POTEF: variants seen among roughly 807,000 people sequenced by gnomAD.
The protein encoded by POTEF is POTE ankyrin domain family member F.
In POTEF, 20 loss-of-function variants were observed where a neutral mutation model predicts 83.2. The observed-to-expected ratio is 0.24, with a 90% CI of 0.17 to 0.35. The LOEUF is 0.35. Among genes scored for constraint, POTEF ranks in the 10% least tolerant of loss-of-function variants. The probability of loss-of-function intolerance (pLI) is 1.00; values close to 1 mark genes in which losing one functional copy is unlikely to be tolerated. For synonymous variants in POTEF, 196 were observed against 446.4 expected, an observed-to-expected ratio of 0.44 and a Z score of 7.07; for missense variants, 550 against 1,203.2, an observed-to-expected ratio of 0.46 and a Z score of 8.03.
Position 130,111,653 on chromosome 2 carries a change from TAGAA to T in POTEF, c.917+338_917+341del, listed in dbSNP as rs571893453. Among the ~76,000 whole-genome samples the T allele has an allele frequency of 2.8e-4, 43 of 151,182 alleles. 2 individuals are homozygous for T. The highest frequency in any genetic ancestry group is 9.1e-4 in the African/African-American group (37 of 40,662). ...ATGTAAGACACAGGTTAAAAACTAT[TAGAA>T]AGGGTTAAGAAGTTCAATACTGAGT... On this transcript the variant is annotated intron_variant, in intron 6 of 16. Coordinates refer to ENST00000409914, the MANE Select transcript of POTEF (RefSeq NM_001099771.2).
At chr2:130,127,043 C>T (rs546871887) in intron 2 of POTEF, among the ~76,000 whole-genome samples, 17 of 151,856 alleles carry the variant, frequency 1.1e-4, no homozygotes, top group East Asian at 3.8e-4. Context: ...AAAAAATGGC[C>T]GGGAGTGGTG....
intron 7 of POTEF, chr2:130,109,582 A>C (rs2104813793): frequency 6.6e-6 from 1 of 151,560 alleles, no homozygotes; most frequent in South Asian, 2.1e-4. Flanking sequence ...CCAAGGTTCT[A>C]TACAGGATAT....
At chr2:130,126,916 C>G (rs1378572759) in intron 2 of POTEF, among the ~76,000 whole-genome samples, 1 of 151,902 alleles carries the variant, frequency 6.6e-6, no homozygotes, top group Non-Finnish European at 1.5e-5. Flanking sequence ...AATACACAGA[C>G]TAGAATAAGC....
At chr2:130,078,998 G>A (rs1438798662) in intron 15 of POTEF, among the ~76,000 whole-genome samples, 3 of 93,064 alleles carry the variant, frequency 3.2e-5, no homozygotes, top group East Asian at 5.9e-4. Context: ...CCTAGGCAAA[G>A]GATTTATGAG....
intron 16 of POTEF, among the ~76,000 whole-genome samples, chr2:130,075,964 G>A (rs1275504461): frequency 1.4e-5 from 2 of 145,328 alleles, no homozygotes; most frequent in African/African-American, 5.1e-5. Flanking sequence ...TTAAGATTAG[G>A]TTTACACTCT....
chr2:130,110,750 A>G, intron 6 of POTEF, 70 bp from the exon 7 acceptor site: 3 of 727,272 alleles, frequency 4.1e-6, no homozygotes, highest in Non-Finnish European at 5.8e-6. Context: ...TTACCAATGT[A>G]ACATCTTGCC....
At chr2:130,126,304 A>T (rs1269607293) in intron 2 of POTEF, among the ~76,000 whole-genome samples, 2 of 6,304 alleles carry the variant, frequency 3.2e-4, no homozygotes, top group Non-Finnish European at 8.0e-4. Flanking sequence ...ACTCCATCTC[A>T]AAAAAAAAAA....
chr2:130,083,453 G>A (rs1307301754), intron 15 of POTEF, among the ~76,000 whole-genome samples: 1 of 146,646 alleles, frequency 6.8e-6, no homozygotes, highest in Non-Finnish European at 1.5e-5. Context: ...GGACTAGAAA[G>A]GCAGGAGGAA....
intron 2 of POTEF, 96 bp from the exon 3 acceptor site, chr2:130,120,704 C>A: frequency 2.0e-6 from 2 of 982,550 alleles, no homozygotes; most frequent in Non-Finnish European, 3.0e-6. Context: ...CCCACACCCA[C>A]CCGAGGAAAG....
intron 2 of POTEF, among the ~76,000 whole-genome samples, chr2:130,122,923 T>C (rs1685028224): frequency 6.6e-6 from 1 of 150,712 alleles, no homozygotes; most frequent in Admixed American, 6.6e-5. Flanking sequence ...ATGGGTTTTT[T>C]GTGGAGTCTA....
rs1413344978 is a variant in POTEF, at chr2:130,115,202, G to C, written c.636+12C>G. On this transcript the variant is annotated intron_variant, in intron 4 of 16. Coordinates refer to ENST00000409914, the MANE Select transcript of POTEF (RefSeq NM_001099771.2). ...AACCCACCTCATGCTGATATAGTTG[G>C]CTACTGCATACCTTTATCAGAGCTG... is the stretch of plus-strand genomic sequence containing the variant. The C allele has an allele frequency of 1.4e-5, 23 of 1,612,194 alleles. No individual in the cohort carries two copies. Among genetic ancestry groups the C allele is most frequent in the Non-Finnish European group, 1.9e-5 (22 of 1,179,894 alleles).
chr2:130,109,787 C>G (rs986605751), intron 7 of POTEF: 1 of 151,580 alleles, frequency 6.6e-6, no homozygotes, highest in Non-Finnish European at 1.5e-5. Context: ...GTGGGTTCCA[C>G]ATTAGGTTCT....
At chr2:130,118,818 ATAAAAATCTAGC>A (rs1368496591) in intron 3 of POTEF, among the ~76,000 whole-genome samples, 1 of 151,674 alleles carries the variant, frequency 6.6e-6, no homozygotes, top group East Asian at 1.9e-4. Context: ...TTTTTGTGAC[ATAAAAATCTAGC>A]TAGTTTTCTC....
chr2:130,121,253 G>A (rs1352587754), intron 2 of POTEF, among the ~76,000 whole-genome samples: 3 of 148,996 alleles, frequency 2.0e-5, no homozygotes, highest in Admixed American at 6.6e-5. Context: ...CTTGAGTTCC[G>A]GCAAACTTCG....
chr2:130,118,804 C>T (rs1376954339), intron 3 of POTEF, among the ~76,000 whole-genome samples: 1 of 151,706 alleles, frequency 6.6e-6, no homozygotes, highest in African/African-American at 2.4e-5. Flanking sequence ...AATCTATACT[C>T]TTATTTTTGT....
At chr2:130,120,725 C>T in intron 2 of POTEF, 117 bp from the exon 3 acceptor site, 1 of 910,828 alleles carries the variant, frequency 1.1e-6, no homozygotes, top group Non-Finnish European at 1.6e-6. Flanking sequence ...CCCACGCCCC[C>T]CCTGGGCGAC....
chr2:130,128,746 G>A (rs897482792), intron 1 of POTEF, among the ~76,000 whole-genome samples: 24 of 107,458 alleles, frequency 2.2e-4, no homozygotes, highest in African/African-American at 6.4e-4. Context: ...ACCCCCCGCT[G>A]CCAGCATTGT....
intron 8 of POTEF, among the ~76,000 whole-genome samples, chr2:130,104,552 CA>C (rs1273515867): frequency 6.6e-6 from 1 of 151,400 alleles, no homozygotes; most frequent in Non-Finnish European, 1.5e-5. Flanking sequence ...GGGAAAAAAT[CA>C]AAGTGTATTT....
intron 1 of POTEF, among the ~76,000 whole-genome samples, chr2:130,128,749 A>G (rs1456785450): frequency 2.2e-5 from 2 of 92,952 alleles, no homozygotes; most frequent in Admixed American, 2.7e-4. Flanking sequence ...CCCCGCTGCC[A>G]GCATTGTAGC....
Sources: gnomAD v4.1 joint callset for allele counts (sites outside exome capture counted in the v4.1 genomes callset) on GRCh38, gnomAD v4.1.1 for gene constraint, MANE v1.5 for transcripts, NCBI Gene and HGNC (gene_info 2026-07-23, HGNC 2026-07-21) for gene names.